The following WDR33 variants were observed in gnomAD, a reference collection of about 807,000 sequenced individuals.
The protein encoded by WDR33 is pre-mRNA 3' end processing protein WDR33.
In WDR33, 47 loss-of-function variants were observed where a neutral mutation model predicts 164.9. That is an observed-to-expected ratio of 0.29 (90% CI 0.23 to 0.36). The LOEUF is 0.36. Among genes scored for constraint, WDR33 ranks in the 10% least tolerant of loss-of-function variants. The probability of loss-of-function intolerance (pLI) is 1.00; values close to 1 mark genes in which losing one functional copy is unlikely to be tolerated. For synonymous variants in WDR33, 505 were observed against 589.0 expected (o/e 0.86, Z 2.06); for missense variants, 1,137 against 1,754.1 (o/e 0.65, Z 6.28).
At chr2:127,759,731 C>T (rs548579023) in intron 7 of WDR33, among the ~76,000 whole-genome samples, 2 of 151,858 alleles carry the variant, frequency 1.3e-5, no homozygotes, top group Admixed American at 1.3e-4. Flanking sequence ...AAATAAAAAG[C>T]AACTATAAAT....
intron 1 of WDR33, among the ~76,000 whole-genome samples, chr2:127,805,288 T>C (rs879893908): frequency 1.3e-5 from 2 of 151,694 alleles, no homozygotes; most frequent in African/African-American, 2.4e-5. Flanking sequence ...TGCCAAATTG[T>C]CCAGGCTGGT....
chr2:127,768,802 C>T (rs973142235), intron 3 of WDR33, 131 bp downstream of exon 3: 1 of 567,136 alleles, frequency 1.8e-6, no homozygotes, highest in Non-Finnish European at 3.0e-6. Flanking sequence ...TTATATTATC[C>T]CTTTGGGAAT....
At chr2:127,785,487 C>T (rs149261083) in intron 1 of WDR33, among the ~76,000 whole-genome samples, 1 of 152,206 alleles carries the variant, frequency 6.6e-6, no homozygotes, top group Non-Finnish European at 1.5e-5. Context: ...CTTCCCTCCC[C>T]CAAGCTCCTG....
chr2:127,738,641 T>C lies in WDR33; in HGVS notation c.725-11864A>G, dbSNP rs1686922235. Among the ~76,000 whole-genome samples, 1 of 152,186 alleles carries C rather than the reference T, an allele frequency of 6.6e-6. No homozygotes were observed. The highest frequency in any genetic ancestry group is 1.5e-5 in the Non-Finnish European group (1 of 68,030). On this transcript the variant is annotated intron_variant, in intron 7 of 21. Coordinates refer to ENST00000322313, the MANE Select transcript of WDR33 (RefSeq NM_018383.5). The surrounding 1 kb of genome is among the most constrained non-coding windows in gnomAD (Gnocchi z 4.4). ...ACATGGTATGATGAAAATGGCACTTTACCTGTGTGATCTTCCTCTCAAAAA... is the reference window on the plus strand; with the variant it reads ...ACATGGTATGATGAAAATGGCACTTCACCTGTGTGATCTTCCTCTCAAAAA...
chr2:127,761,963 A>C (rs1687692431), intron 7 of WDR33, among the ~76,000 whole-genome samples: 1 of 152,240 alleles, frequency 6.6e-6, no homozygotes, highest in African/African-American at 2.4e-5. Flanking sequence ...GCTGAAATAC[A>C]CATTAAAGTA....
intron 7 of WDR33, chr2:127,762,412 A>G: frequency 1.4e-6 from 1 of 717,220 alleles, no homozygotes; most frequent in Non-Finnish European, 1.7e-6. Flanking sequence ...TACTGTTAAT[A>G]TTTCAACAGT....
At chr2:127,752,930 T>C (rs1167969127) in intron 7 of WDR33, among the ~76,000 whole-genome samples, 1 of 152,220 alleles carries the variant, frequency 6.6e-6, no homozygotes, top group Non-Finnish European at 1.5e-5. Flanking sequence ...TTTATTTATT[T>C]ATTTATTTAT....
In WDR33 at chr2:127,718,278, A is replaced by C. The variant is rs112262687; in HGVS notation, c.2760+987T>G. On this transcript the variant is annotated intron_variant, in intron 16 of 21. Transcript: ENST00000322313. The surrounding 1 kb of genome is among the most constrained non-coding windows in gnomAD (Gnocchi z 4.4). ...AACCAAAACAGACTGTGCTTTCTACATCTGTAGCATCCCCTTTCTCCAAGT... is the reference window on the plus strand; with the variant it reads ...AACCAAAACAGACTGTGCTTTCTACCTCTGTAGCATCCCCTTTCTCCAAGT... 1.9e-3 allele frequency among the ~76,000 whole-genome samples: 286 copies of C among 152,212 alleles called. 1 individual carries two copies. Among genetic ancestry groups the C allele is most frequent in the Non-Finnish European group, 2.6e-3 (174 of 67,998 alleles).
chr2:127,711,780 A>ATATATATATATATATTTT, intron 18 of WDR33, among the ~76,000 whole-genome samples: 17 of 88,298 alleles, frequency 1.9e-4, no homozygotes, highest in Non-Finnish European at 3.0e-4. Context: ...ATATATATAT[A>ATATATATATATATATTTT]TTTTTTTTTT....
intron 7 of WDR33, among the ~76,000 whole-genome samples, chr2:127,729,638 G>A (rs1258506372): frequency 6.6e-6 from 1 of 152,050 alleles, no homozygotes; most frequent in Non-Finnish European, 1.5e-5. Flanking sequence ...TGGGACTACA[G>A]GCGCCCACCA....
Position 127,703,883 on chromosome 2 carries a change from C to T in WDR33, c.*2440G>A. On this transcript the variant is annotated 3_prime_UTR_variant, in exon 22 of 22. Coordinates refer to ENST00000322313, the MANE Select transcript of WDR33 (RefSeq NM_018383.5). ...CTGTAATCCCAGCATTTTGGGAGGC[C>T]AAGGCGGGAGGATCACTTGAGGCCA... 1 of 166,568 alleles carries T rather than the reference C, an allele frequency of 6.0e-6. No individual in the cohort carries two copies. The allele number at this position is 166,568 out of a possible 1,614,324, so 10.3% of individuals were successfully genotyped here.
rs1435500721 is a variant in WDR33 at position 127,770,039 on chromosome 2, C to G, written c.204+739G>C. 6.6e-6 allele frequency among the ~76,000 whole-genome samples: 1 copy of G among 152,162 alleles called. No individual in the cohort carries two copies. Among genetic ancestry groups the G allele is most frequent in the Non-Finnish European group, 1.5e-5 (1 of 68,036 alleles). ...TCCTGACTCTAAGAAATACCTACCA[C>G]CAGGGCTTGGAAGTGGGAGAATCCA... is the stretch of plus-strand genomic sequence containing the variant. On this transcript the variant is annotated intron_variant, in intron 2 of 21. Transcript: ENST00000322313. This position sits in a 1 kb window ranked among gnomAD's most constrained non-coding sequence, Gnocchi z 4.9.
At position 127,724,185 on chromosome 2, in the gene WDR33, A is replaced by G. The variant is rs1315035856; in HGVS notation, c.1196+148T>C. 9.9e-6 allele frequency: 6 copies of G among 603,022 alleles called. No individual in the cohort carries two copies. The highest frequency in any genetic ancestry group is 3.8e-5 in the African/African-American group (2 of 52,678). 37.4% of individuals were successfully genotyped at this position (603,022 alleles called of 1,614,324 possible). On this transcript the variant is annotated intron_variant, in intron 11 of 21. Coordinates refer to ENST00000322313, the MANE Select transcript of WDR33 (RefSeq NM_018383.5). The surrounding 1 kb of genome is among the most constrained non-coding windows in gnomAD (Gnocchi z 4.8). The stretch of plus-strand genomic sequence containing the variant: ...CAATACCCAATCTCTTTATTGCAAT[A>G]TAAGTATTTGTAAACCACTACAAAA...
chr2:127,702,388 G>C lies in WDR33; in HGVS notation c.*3935C>G. 2.9e-6 allele frequency: 1 copy of C among 345,970 alleles called. No individual in the cohort carries two copies. The highest frequency in any genetic ancestry group is 5.2e-6 in the Non-Finnish European group (1 of 191,900). 21.4% of individuals were successfully genotyped at this position (345,970 alleles called of 1,614,324 possible). A position where few individuals can be genotyped will look rare whatever the true frequency, so the allele number is the denominator to read the frequency against. On this transcript the variant is annotated 3_prime_UTR_variant, in exon 22 of 22. Coordinates refer to ENST00000322313, the MANE Select transcript of WDR33 (RefSeq NM_018383.5). ...GATGTCAGCTTTTTGTGCTGGACTT[G>C]GCACACGCTCTGAAAACTGAGATTT... is the stretch of plus-strand genomic sequence containing the variant.
In WDR33 at chr2:127,721,749, T is replaced by G. The variant is rs1024898592; in HGVS notation, c.1671+87A>C. 7.2e-7 allele frequency: 1 copy of G among 1,394,026 alleles called. No individual in the cohort carries two copies. Among genetic ancestry groups the G allele is most frequent in the African/African-American group, 1.5e-5 (1 of 67,938 alleles). The allele number at this position is 1,394,026 out of a possible 1,614,324, so 86.4% of individuals were successfully genotyped here. The stretch of plus-strand genomic sequence containing the variant: ...TTTGTCAGACCATGGGAGAGCCCCT[T>G]CCCTTTTCCTTAAGAGCCTATCAAT... On this transcript the variant is annotated intron_variant, in intron 15 of 21. Transcript: ENST00000322313. This position sits in a 1 kb window ranked among gnomAD's most constrained non-coding sequence, Gnocchi z 4.9.
chr2:127,738,241 T>C lies in WDR33; in HGVS notation c.725-11464A>G, dbSNP rs1358798988. Among the ~76,000 whole-genome samples, 1 of 152,098 alleles carries C rather than the reference T, an allele frequency of 6.6e-6. No individual in the cohort carries two copies. Among genetic ancestry groups the C allele is most frequent in the East Asian group, 1.9e-4 (1 of 5,196 alleles). ...TCTCCATTTCTGTTTCAAAGAAAAA[T>C]GTAATCTGAGAAAACTTCAACTGGG... On this transcript the variant is annotated intron_variant, in intron 7 of 21. Transcript: ENST00000322313. This position sits in a 1 kb window ranked among gnomAD's most constrained non-coding sequence, Gnocchi z 4.4.
At position 127,722,881 on chromosome 2, in the gene WDR33, C is replaced by T. The variant is rs1235446268; in HGVS notation, c.1378+77G>A. 10 of 1,431,444 alleles carry T rather than the reference C, an allele frequency of 7.0e-6. No homozygotes were observed. The highest frequency in any genetic ancestry group is 9.4e-6 in the Non-Finnish European group (10 of 1,059,330). 88.7% of individuals were successfully genotyped at this position (1,431,444 alleles called of 1,614,324 possible). ...CTCAACATAAATCATTTTGGTATTT[C>T]AATATATTTATCAGGAACATAAACG... On this transcript the variant is annotated intron_variant, in intron 13 of 21. Transcript: ENST00000322313. This position sits in a 1 kb window ranked among gnomAD's most constrained non-coding sequence, Gnocchi z 5.1.
At chr2:127,808,585 T>C (rs907240412) in intron 1 of WDR33, among the ~76,000 whole-genome samples, 8 of 152,202 alleles carry the variant, frequency 5.3e-5, no homozygotes, top group Non-Finnish European at 1.0e-4. Context: ...AATGGGGAGA[T>C]AAATGTTACC....
Position 127,709,377 on chromosome 2 carries a change from C to A in WDR33, c.3565+113G>T. On this transcript the variant is annotated intron_variant, in intron 20 of 21. Coordinates refer to ENST00000322313, the MANE Select transcript of WDR33 (RefSeq NM_018383.5). This position sits in a 1 kb window ranked among gnomAD's most constrained non-coding sequence, Gnocchi z 5.0. Reference sequence around the variant, plus strand: ...TGCAGGACAGGAGACAGCCCAGCCCCCCGGGAGACATGAGCTGGAAAGAGG... The same window carrying A: ...TGCAGGACAGGAGACAGCCCAGCCCACCGGGAGACATGAGCTGGAAAGAGG... The A allele has an allele frequency of 7.8e-6, 8 of 1,019,398 alleles. No individual in the cohort carries two copies. Among genetic ancestry groups the A allele is most frequent in the Non-Finnish European group, 1.2e-5 (8 of 664,276 alleles). The allele number at this position is 1,019,398 out of a possible 1,614,324, so 63.1% of individuals were successfully genotyped here. A position where few individuals can be genotyped will look rare whatever the true frequency, so the allele number is the denominator to read the frequency against.
Sources: gnomAD v4.1 joint callset for allele counts (sites outside exome capture counted in the v4.1 genomes callset) on GRCh38, gnomAD v4.1.1 for gene constraint, Gnocchi (gnomAD v3.1) non-coding constraint, MANE v1.5 for transcripts, NCBI Gene and HGNC (gene_info 2026-07-23, HGNC 2026-07-21) for gene names.